RYR2: variants seen among roughly 807,000 people sequenced by gnomAD.
RYR2 encodes the protein ryanodine receptor 2.
Under a neutral mutation model 601.1 loss-of-function variants are expected in RYR2, and 227 were observed. The ratio of observed to expected loss-of-function variants is 0.38; its 90% CI spans 0.34 to 0.42. The LOEUF is 0.42. Ranked by LOEUF, RYR2 falls within the 10% of genes least tolerant of loss-of-function variation. The probability of loss-of-function intolerance (pLI) is 1.00; values close to 1 mark genes in which losing one functional copy is unlikely to be tolerated. For synonymous variants in RYR2, 2,223 were observed against 2,175.1 expected, an observed-to-expected ratio of 1.02 and a Z score of -0.61; for missense variants, 4,646 against 6,156.5, an observed-to-expected ratio of 0.75 and a Z score of 8.21.
intron 99 of RYR2, 51 bp from the exon 100 acceptor site, chr1:237,808,850 A>G (rs939225766): frequency 2.5e-6 from 4 of 1,598,548 alleles, no homozygotes; most frequent in Non-Finnish European, 1.7e-6. Flanking sequence ...TCACGTGTCA[A>G]TTGTATGTCC....
chr1:237,193,647 T>C (rs1341886710), intron 1 of RYR2, among the ~76,000 whole-genome samples: 1 of 152,224 alleles, frequency 6.6e-6, no homozygotes, highest in Non-Finnish European at 1.5e-5. Context: ...GGGAAGAAGC[T>C]GTTTTAAATT....
intron 8 of RYR2, among the ~76,000 whole-genome samples, chr1:237,383,414 C>CTTTTTTTTTTTTTT (rs1558724426): frequency 1.5e-5 from 1 of 64,782 alleles, no homozygotes; most frequent in Non-Finnish European, 3.4e-5. Flanking sequence ...TTTCTTTTTT[C>CTTTTTTTTTTTTTT]TTGTTTTTTT....
At chr1:237,107,965 C>A (rs1002215255) in intron 1 of RYR2, among the ~76,000 whole-genome samples, 2 of 152,154 alleles carry the variant, frequency 1.3e-5, no homozygotes, top group African/African-American at 4.8e-5. Flanking sequence ...GTTTTACCTC[C>A]TGGTAAAAAG....
chr1:237,263,975 T>C (rs1226277025), intron 1 of RYR2, among the ~76,000 whole-genome samples: 2 of 152,108 alleles, frequency 1.3e-5, no homozygotes, highest in African/African-American at 4.8e-5. Context: ...GGGGCTGCTA[T>C]TTTAGATAGG....
chr1:237,130,765 A>G (rs903300021), intron 1 of RYR2, among the ~76,000 whole-genome samples: 2 of 152,186 alleles, frequency 1.3e-5, no homozygotes, highest in African/African-American at 2.4e-5. Flanking sequence ...ATGATCAGGC[A>G]TCTAGCAGAA....
At chr1:237,753,651 C>T (rs1214410012) in intron 80 of RYR2, among the ~76,000 whole-genome samples, 1 of 152,074 alleles carries the variant, frequency 6.6e-6, no homozygotes, top group African/African-American at 2.4e-5. Flanking sequence ...TTTTCCTCAC[C>T]TTACTGTGTA....
rs111434904 is a variant in RYR2 at position 237,204,552 on chromosome 1, T to C, written c.49-65945T>C. On this transcript the variant is annotated intron_variant, in intron 1 of 104. Transcript: ENST00000366574. Reference sequence around the variant, plus strand: ...ACTAGGGTCGAATCCTGCAAATGCATTCAGGTGACGGGGTCCCACCCTAAC... The same window carrying C: ...ACTAGGGTCGAATCCTGCAAATGCACTCAGGTGACGGGGTCCCACCCTAAC... 4.4e-3 allele frequency among the ~76,000 whole-genome samples: 669 copies of C among 151,322 alleles called. 4 individuals carry two copies. The highest frequency in any genetic ancestry group is 0.015 in the African/African-American group (631 of 41,168).
intron 23 of RYR2, 80 bp from the exon 24 acceptor site, chr1:237,511,608 C>T: frequency 8.7e-7 from 1 of 1,152,874 alleles, no homozygotes; most frequent in Non-Finnish European, 1.3e-6. Flanking sequence ...TCTGCCTCCA[C>T]TTTCTACCAC....
intron 25 of RYR2, among the ~76,000 whole-genome samples, chr1:237,546,876 A>G (rs935847979): frequency 2.6e-5 from 4 of 151,072 alleles, no homozygotes; most frequent in African/African-American, 9.7e-5. Flanking sequence ...AATAAAATGG[A>G]CAAACTCCCT....
At chr1:237,289,223 G>T (rs149131162) in intron 2 of RYR2, among the ~76,000 whole-genome samples, 1 of 152,110 alleles carries the variant, frequency 6.6e-6, no homozygotes, top group African/African-American at 2.4e-5. Context: ...CGGGATTGCT[G>T]GTTTGTTCTT....
intron 1 of RYR2, among the ~76,000 whole-genome samples, chr1:237,113,105 C>T (rs1052436244): frequency 4.6e-5 from 7 of 152,082 alleles, no homozygotes; most frequent in African/African-American, 9.7e-5. Flanking sequence ...TTCTGAGGTT[C>T]GGTTTTCATA....
intron 25 of RYR2, 83 bp downstream of exon 25, chr1:237,530,593 CCTTG>C: frequency 9.4e-7 from 1 of 1,066,004 alleles, no homozygotes. Flanking sequence ...CACACAGATG[CCTTG>C]CTTTTACTGA....
chr1:237,795,396 T>A, intron 96 of RYR2, 65 bp downstream of exon 96: 1 of 805,596 alleles, frequency 1.2e-6, no homozygotes, highest in Non-Finnish European at 2.0e-6. Flanking sequence ...TTTGATGTGA[T>A]TCAGATGTAG....
chr1:237,349,597 GATA>G lies in RYR2; in HGVS notation c.274-6363_274-6361del, dbSNP rs560433424. ...TATATGTGCAATTAAAATGCATAAC[GATA>G]ATAACTCAAAAGGTGGAAGAGTATA... On this transcript the variant is annotated intron_variant, in intron 3 of 104. Transcript: ENST00000366574. Among the ~76,000 whole-genome samples the G allele has an allele frequency of 1.3e-3, 202 of 152,220 alleles. 1 individual carries two copies. Among genetic ancestry groups the G allele is most frequent in the African/African-American group, 4.6e-3 (192 of 41,552 alleles).
intron 1 of RYR2, among the ~76,000 whole-genome samples, chr1:237,149,499 T>TAA (rs1674465274): frequency 6.6e-6 from 1 of 152,136 alleles, no homozygotes; most frequent in Admixed American, 6.5e-5. Context: ...ATAAACACAA[T>TAA]AAAATAATGG....
At chr1:237,513,871 G>T (rs1401205773) in intron 24 of RYR2, among the ~76,000 whole-genome samples, 1 of 152,178 alleles carries the variant, frequency 6.6e-6, no homozygotes, top group African/African-American at 2.4e-5. Context: ...GTTAAGTGAT[G>T]TATAACTCTA....
intron 80 of RYR2, among the ~76,000 whole-genome samples, chr1:237,745,391 C>T (rs866232614): frequency 2.0e-5 from 3 of 152,060 alleles, no homozygotes; most frequent in South Asian, 2.1e-4. Flanking sequence ...ATATGAAGGG[C>T]TCTCCTAACA....
rs115710415 is a variant in RYR2, at chr1:237,805,739, A to T, written c.14152-398A>T. The stretch of plus-strand genomic sequence containing the variant: ...ATTTTGATAAATATAATGTAATCAG[A>T]TCAGGGTAATTAGTATATGCATTAT... On this transcript the variant is annotated intron_variant, in intron 98 of 104. Transcript: ENST00000366574. Among the ~76,000 whole-genome samples, 297 of 152,100 alleles carry T rather than the reference A, an allele frequency of 2.0e-3. 1 individual carries two copies. Among genetic ancestry groups the T allele is most frequent in the African/African-American group, 7.0e-3 (289 of 41,506 alleles).
At chr1:237,449,420 C>T (rs1216646824) in intron 14 of RYR2, among the ~76,000 whole-genome samples, 1 of 152,118 alleles carries the variant, frequency 6.6e-6, no homozygotes, top group Middle Eastern at 3.2e-3. Flanking sequence ...ACTTCCCTCC[C>T]AGTTTTCGCA....
Sources: allele counts gnomAD v4.1 joint callset (sites outside exome capture counted in the v4.1 genomes callset), GRCh38; gene constraint gnomAD v4.1.1; transcripts MANE v1.5; gene names NCBI Gene and HGNC (gene_info 2026-07-23, HGNC 2026-07-21).